GPM6A: variants seen among roughly 807,000 people sequenced by gnomAD.
The protein encoded by GPM6A is neuronal membrane glycoprotein M6-a.
GPM6A carries 7 observed loss-of-function variants against 32.1 expected under a neutral mutation model. The ratio of observed to expected loss-of-function variants is 0.22; its 90% CI spans 0.12 to 0.41. The LOEUF is 0.41. Ranked by LOEUF, GPM6A falls within the 10% of genes least tolerant of loss-of-function variation. The probability of loss-of-function intolerance (pLI) is 1.00; values close to 1 mark genes in which losing one functional copy is unlikely to be tolerated. For missense variants in GPM6A, 235 were observed against 347.2 expected (o/e 0.68, Z 2.57); for synonymous variants, 130 against 123.4 (o/e 1.05, Z -0.35).
intron 4 of GPM6A, among the ~76,000 whole-genome samples, chr4:175,645,052 A>C (rs1741378128): frequency 6.6e-6 from 1 of 152,150 alleles, no homozygotes; most frequent in Admixed American, 6.6e-5. Flanking sequence ...GTGAGACGAG[A>C]TCACGCCACT....
intron 1 of GPM6A, among the ~76,000 whole-genome samples, chr4:175,970,303 A>G (rs1403012716): frequency 6.6e-6 from 1 of 152,246 alleles, no homozygotes; most frequent in Non-Finnish European, 1.5e-5. Flanking sequence ...CTCTCATTGC[A>G]GCAAACACAT....
At chr4:175,816,866 TTA>T (rs1735115889), upstream of GPM6A, among the ~76,000 whole-genome samples, 1 of 70,026 alleles carries the variant, frequency 1.4e-5, no homozygotes, top group African/African-American at 5.8e-5. Context: ...TTTTTTATTT[TTA>T]TTTTTTTTTT....
At chr4:175,989,310 A>G (rs1197076593) in intron 1 of GPM6A, among the ~76,000 whole-genome samples, 3 of 152,200 alleles carry the variant, frequency 2.0e-5, no homozygotes. Flanking sequence ...CCCAAGGATA[A>G]TAGCCTCTTT....
intron 3 of GPM6A, among the ~76,000 whole-genome samples, chr4:175,667,236 A>G (rs1742799526): frequency 6.6e-6 from 1 of 152,112 alleles, no homozygotes; most frequent in African/African-American, 2.4e-5. Context: ...TTTTTCAGTA[A>G]AAGTATTTTA....
At chr4:175,838,034 C>T (rs1735820827) in intron 1 of GPM6A, among the ~76,000 whole-genome samples, 1 of 151,056 alleles carries the variant, frequency 6.6e-6, no homozygotes, top group South Asian at 2.1e-4. Flanking sequence ...TTTAGTTCTC[C>T]AAAGCACCTA....
chr4:175,787,373 G>A lies in GPM6A; in HGVS notation c.37+24818C>T, dbSNP rs776637764. The A allele has an allele frequency of 2.2e-5, 33 of 1,534,796 alleles. 1 individual carries two copies. In the African/African-American group the frequency reaches 2.2e-4, roughly 10 times the overall value. ...TCATAAAAGTGTGATGCTGCCGGCC[G>A]CTGGCTCCTTGTGAACTCTATTTTC... On this transcript the variant is annotated intron_variant, in intron 1 of 6. Transcript: ENST00000393658.
chr4:175,672,130 C>T (rs554579890), intron 3 of GPM6A, among the ~76,000 whole-genome samples: 1 of 152,140 alleles, frequency 6.6e-6, no homozygotes, highest in Non-Finnish European at 1.5e-5. Context: ...TCCTTGATTG[C>T]TTTGTCTTTT....
At chr4:175,721,166 T>TATATATATATA (rs55909333) in intron 1 of GPM6A, among the ~76,000 whole-genome samples, 5 of 145,498 alleles carry the variant, frequency 3.4e-5, no homozygotes, top group South Asian at 2.1e-4. Context: ...TATATATATA[T>TATATATATATA]TTTCTATTTT....
intron 3 of GPM6A, among the ~76,000 whole-genome samples, chr4:175,662,086 C>T (rs1388877028): frequency 6.6e-6 from 1 of 151,918 alleles, no homozygotes; most frequent in Non-Finnish European, 1.5e-5. Context: ...AGCAATTAAA[C>T]AAAACAATGA....
chr4:175,712,513 G>A (rs906465077), intron 1 of GPM6A, among the ~76,000 whole-genome samples: 2 of 152,212 alleles, frequency 1.3e-5, no homozygotes, highest in African/African-American at 2.4e-5. Flanking sequence ...TTTATTTAGA[G>A]GACTATTTCT....
intron 1 of GPM6A, among the ~76,000 whole-genome samples, chr4:175,759,382 CA>C (rs1201362489): frequency 3.4e-4 from 51 of 152,148 alleles, no homozygotes; most frequent in African/African-American, 1.2e-3. Context: ...AATATCAAGA[CA>C]ATAAGAGGTT....
At position 175,705,479 on chromosome 4, in the gene GPM6A, C is replaced by T. The variant is rs140635387; in HGVS notation, c.38-3712G>A. Reference sequence around the variant, plus strand: ...ACTATCCCCACTCTTCCACAGAGCCCGAGTTGCCTATTCGTTTTAAAAGAA... The same window carrying T: ...ACTATCCCCACTCTTCCACAGAGCCTGAGTTGCCTATTCGTTTTAAAAGAA... On this transcript the variant is annotated intron_variant, in intron 1 of 6. Transcript: ENST00000393658. Among the ~76,000 whole-genome samples the T allele has an allele frequency of 7.2e-3, 1,094 of 152,278 alleles. 7 individuals are homozygous for T. Among genetic ancestry groups the T allele is most frequent in the South Asian group, 0.012 (58 of 4,826 alleles).
chr4:175,852,654 A>G (rs568542837), intron 1 of GPM6A, among the ~76,000 whole-genome samples: 12 of 152,296 alleles, frequency 7.9e-5, no homozygotes, highest in East Asian at 3.9e-4. Context: ...TTTAAAAACA[A>G]AAGGAATGGG....
At chr4:175,831,792 C>T (rs1003866348) in intron 1 of GPM6A, among the ~76,000 whole-genome samples, 2 of 120,904 alleles carry the variant, frequency 1.7e-5, no homozygotes, top group African/African-American at 3.2e-5. Flanking sequence ...TAGCTCTTGG[C>T]TCTGCAAGCT....
intron 1 of GPM6A, among the ~76,000 whole-genome samples, chr4:175,884,762 G>A (rs1364346767): frequency 6.6e-6 from 1 of 152,064 alleles, no homozygotes; most frequent in Non-Finnish European, 1.5e-5. Flanking sequence ...TCGAACTCCT[G>A]ACCTCAGGTG....
intron 1 of GPM6A, among the ~76,000 whole-genome samples, chr4:175,848,652 T>C (rs1308553315): frequency 6.6e-6 from 1 of 152,168 alleles, no homozygotes; most frequent in African/African-American, 2.4e-5. Context: ...TTGGTTTCAA[T>C]CCTGTACACG....
At chr4:175,779,171 A>G (rs1362107794) in intron 1 of GPM6A, among the ~76,000 whole-genome samples, 2 of 152,130 alleles carry the variant, frequency 1.3e-5, no homozygotes, top group African/African-American at 2.4e-5. Flanking sequence ...TTCTTTATCT[A>G]TCCTGTGAGC....
chr4:175,846,485 C>T (rs189443371), intron 1 of GPM6A, among the ~76,000 whole-genome samples: 18 of 152,070 alleles, frequency 1.2e-4, no homozygotes, highest in Admixed American at 3.9e-4. Context: ...GCCAATATTC[C>T]CTTTGCCCAG....
intron 1 of GPM6A, among the ~76,000 whole-genome samples, chr4:175,779,591 T>C (rs1215999201): frequency 6.6e-6 from 1 of 152,116 alleles, no homozygotes; most frequent in Non-Finnish European, 1.5e-5. Flanking sequence ...TGTTCTACTA[T>C]CACCAAGCAA....
Sources: gnomAD v4.1 joint callset for allele counts (sites outside exome capture counted in the v4.1 genomes callset) on GRCh38, gnomAD v4.1.1 for gene constraint, MANE v1.5 for transcripts, NCBI Gene and HGNC (gene_info 2026-07-23, HGNC 2026-07-21) for gene names.